Variants in PPP1R12C observed in about 807,000 individuals in gnomAD.
PPP1R12C encodes protein phosphatase 1 regulatory subunit 12C, also known as leukocyte receptor cluster (LRC) encoded novel gene 3.
In PPP1R12C, 48 loss-of-function variants were observed where a neutral mutation model predicts 95.6. The ratio of observed to expected loss-of-function variants is 0.50; its 90% CI spans 0.40 to 0.64. The LOEUF (loss-of-function observed/expected upper bound fraction) is 0.64. PPP1R12C is among the 30% of genes least tolerant of loss of function. PPP1R12C has a pLI of 0.00. For missense variants in PPP1R12C, 1,057 were observed against 1,083.3 expected (o/e 0.98, Z 0.34); for synonymous variants, 480 against 460.8 (o/e 1.04, Z -0.53).
Position 55,117,621 on chromosome 19 carries a change from G to A in PPP1R12C, c.-78C>T, listed in dbSNP as rs1408289403. 1.5e-5 allele frequency: 11 copies of A among 749,996 alleles called. No homozygotes were observed. In the East Asian group the frequency reaches 2.3e-3, roughly 156 times the overall value. 46.5% of individuals were successfully genotyped at this position (749,996 alleles called of 1,614,324 possible). ...CACCACCCGCCCGCCCGCCCGCCCC[G>A]GGGGCCGCCGGGAACTGCCGCTGGC... On this transcript the variant is annotated 5_prime_UTR_variant, in exon 1 of 22. Transcript: ENST00000263433.
chr19:55,095,935 G>C lies in PPP1R12C; in HGVS notation c.1159C>G (p.Pro387Ala). 5 of 1,612,948 alleles carry C rather than the reference G, an allele frequency of 3.1e-6. No homozygotes were observed. The highest frequency in any genetic ancestry group is 4.2e-6 in the Non-Finnish European group (5 of 1,179,838). ...DEGEEGPTEPPPAEPRTLNGV... is the reference protein window; with the variant it reads ...DEGEEGPTEPAPAEPRTLNGV... Reference sequence around the variant, plus strand: ...TTGAGGGTTCTGGGTTCTGCAGGGGGTGGTTCTGTGATGTGGGAACACCGG... The same window carrying C: ...TTGAGGGTTCTGGGTTCTGCAGGGGCTGGTTCTGTGATGTGGGAACACCGG... Residue 387 changes from proline (P) to alanine (A), a missense_variant, in exon 9 of 22, where the codon CCC becomes GCC. Around this residue, in one of 5 missense-constraint regions of PPP1R12C, gnomAD observed 356 missense variants for 330.5 expected, o/e 1.08. Coordinates refer to ENST00000263433, the MANE Select transcript of PPP1R12C (RefSeq NM_017607.4).
chr19:55,105,691 A>G (rs982166231), intron 3 of PPP1R12C, among the ~76,000 whole-genome samples: 1 of 152,208 alleles, frequency 6.6e-6, no homozygotes, highest in Non-Finnish European at 1.5e-5. Context: ...TCATGCCTGT[A>G]ATCCCAGTAC....
chr19:55,105,614 A>C (rs2085029958), intron 3 of PPP1R12C, among the ~76,000 whole-genome samples: 1 of 152,100 alleles, frequency 6.6e-6, no homozygotes, highest in Admixed American at 6.6e-5. Context: ...CTACTTCCTG[A>C]GCTTTTTCAT....
At chr19:55,095,380 A>C in intron 10 of PPP1R12C, 22 bp from the exon 11 acceptor site, 1 of 1,579,756 alleles carries the variant, frequency 6.3e-7, no homozygotes, top group Non-Finnish European at 8.6e-7. Flanking sequence ...GGAGAAGGGG[A>C]GGAAGGGGCA....
At chr19:55,112,059 C>A (rs757847016) in intron 3 of PPP1R12C, 5 of 172,062 alleles carry the variant, frequency 2.9e-5, no homozygotes, top group Non-Finnish European at 5.0e-5. Flanking sequence ...ACAGGGAGAC[C>A]AGTCCCTGGC....
chr19:55,094,676 G>T lies in PPP1R12C; in HGVS notation c.1577C>A (p.Ser526Tyr). The T allele has an allele frequency of 6.2e-7, 1 of 1,600,506 alleles. No individual in the cohort carries two copies. Reference sequence around the variant, plus strand: ...GCCTCTTCACCTCCGTCGGTCCCGGGAGTCCGCTGGGGGCGCCGTGGAGGC... The same window carrying T: ...GCCTCTTCACCTCCGTCGGTCCCGGTAGTCCGCTGGGGGCGCCGTGGAGGC... The part of the protein sequence containing the change: ...PTASTAPPAD[S>Y]RDRRRSYQMP... Residue 526 changes from serine to tyrosine, a missense_variant, in exon 12 of 22, where the codon TCC (serine) becomes TAC (tyrosine). By Grantham distance (144) the Ser-to-Tyr change is moderately radical. Around this residue, in one of 5 missense-constraint regions of PPP1R12C, gnomAD observed 356 missense variants for 330.5 expected, o/e 1.08. Transcript: ENST00000263433.
intron 2 of PPP1R12C, 39 bp downstream of exon 2, chr19:55,112,626 C>T (rs1430271418): frequency 2.5e-6 from 4 of 1,612,462 alleles, no homozygotes; most frequent in Non-Finnish European, 3.4e-6. Context: ...TCCAGGCCCC[C>T]ACCCCGACCA....
chr19:55,095,098 T>C, intron 11 of PPP1R12C, 193 bp downstream of exon 11: 1 of 721,806 alleles, frequency 1.4e-6, no homozygotes, highest in South Asian at 1.8e-5. Flanking sequence ...GGGGGGAAGA[T>C]AGGGGAGAAG....
In PPP1R12C at chr19:55,117,215, G is replaced by A. The variant is rs536177459; in HGVS notation, c.321+8C>T. ...GGCCCCGGGAGACGCCGGGCGGGGGGCGCTGACCTGGTGCAGGGCGCTGAT... is the reference window on the plus strand; with the variant it reads ...GGCCCCGGGAGACGCCGGGCGGGGGACGCTGACCTGGTGCAGGGCGCTGAT... On this transcript the variant is annotated splice_region_variant and intron_variant, in intron 1 of 21. Transcript: ENST00000263433. 3.9e-5 allele frequency: 48 copies of A among 1,223,384 alleles called. No individual in the cohort carries two copies. Among genetic ancestry groups the A allele is most frequent in the African/African-American group, 9.4e-5 (6 of 63,762 alleles). 75.8% of individuals were successfully genotyped at this position (1,223,384 alleles called of 1,614,324 possible).
intron 1 of PPP1R12C, 59 bp downstream of exon 1, chr19:55,117,164 C>G: frequency 8.4e-7 from 1 of 1,188,930 alleles, no homozygotes; most frequent in Non-Finnish European, 1.0e-6. Context: ...GAGGATGCCC[C>G]AGGTGGCGCA....
At position 55,095,340 on chromosome 19, in the gene PPP1R12C, C is replaced by T. The variant is rs1451700314; in HGVS notation, c.1405G>A (p.Ala469Thr). 2 of 1,592,356 alleles carry T rather than the reference C, an allele frequency of 1.3e-6. No homozygotes were observed. Among genetic ancestry groups the T allele is most frequent in the Non-Finnish European group, 1.7e-6 (2 of 1,169,588 alleles). Residue 469 changes from alanine to threonine, a missense_variant, in exon 11 of 22, where the codon GCC becomes ACC. Transcript: ENST00000263433. ...GGGGAGGGGGTCGGGGTAATTCTGGCAAGACGGAGCTCCTTGGCCTGTGTG... is the reference window on the plus strand; with the variant it reads ...GGGGAGGGGGTCGGGGTAATTCTGGTAAGACGGAGCTCCTTGGCCTGTGTG... Reference protein sequence around the residue: ...TSTQAKELRLARITPTPSPKL... With the variant: ...TSTQAKELRLTRITPTPSPKL...
Position 55,109,411 on chromosome 19 carries a change from T to C in PPP1R12C, c.571+3056A>G, listed in dbSNP as rs188995544. On this transcript the variant is annotated intron_variant, in intron 3 of 21. Coordinates refer to ENST00000263433, the MANE Select transcript of PPP1R12C (RefSeq NM_017607.4). The surrounding 1 kb of genome is among the most constrained non-coding windows in gnomAD (Gnocchi z 4.4). ...CTGTGCCAGGCCTCAAATGGCCTTTTCCGGCCTGAGCCAGGAGGAACGGGT... is the reference window on the plus strand; with the variant it reads ...CTGTGCCAGGCCTCAAATGGCCTTTCCCGGCCTGAGCCAGGAGGAACGGGT... Among the ~76,000 whole-genome samples the C allele has an allele frequency of 1.3e-3, 191 of 152,342 alleles. No homozygotes were observed. The highest frequency in any genetic ancestry group is 2.3e-3 in the Non-Finnish European group (157 of 68,028).
In PPP1R12C at chr19:55,091,421, C is replaced by T. The variant is rs367675451; in HGVS notation, c.*51G>A. ...TCGTGTTCACACGGGGGAAGGGGTGCGTGTGGCAGAAGCAGCTGTATAAAT... is the reference window on the plus strand; with the variant it reads ...TCGTGTTCACACGGGGGAAGGGGTGTGTGTGGCAGAAGCAGCTGTATAAAT... On this transcript the variant is annotated 3_prime_UTR_variant, in exon 22 of 22. Transcript: ENST00000263433. 59 of 1,527,316 alleles carry T rather than the reference C, an allele frequency of 3.9e-5. No homozygotes were observed. The highest frequency in any genetic ancestry group is 1.7e-4 in the Middle Eastern group (1 of 5,926). The allele number at this position is 1,527,316 out of a possible 1,614,324, so 94.6% of individuals were successfully genotyped here.
chr19:55,101,835 G>A (rs1197124175), intron 4 of PPP1R12C, among the ~76,000 whole-genome samples: 7 of 152,198 alleles, frequency 4.6e-5, no homozygotes, highest in Admixed American at 2.6e-4. Flanking sequence ...CTAAGCAGAA[G>A]GGACAGCGGT....
Position 55,109,021 on chromosome 19 carries a change from G to A in PPP1R12C, c.571+3446C>T, listed in dbSNP as rs1392023751. ...CCACCGCATGGATGGGCCACATGTT[G>A]ATTTTCCATTCATTCGATGATGGGC... On this transcript the variant is annotated intron_variant, in intron 3 of 21. Coordinates refer to ENST00000263433, the MANE Select transcript of PPP1R12C (RefSeq NM_017607.4). This position sits in a 1 kb window ranked among gnomAD's most constrained non-coding sequence, Gnocchi z 4.4. 6.6e-6 allele frequency among the ~76,000 whole-genome samples: 1 copy of A among 152,198 alleles called. No homozygotes were observed. Among genetic ancestry groups the A allele is most frequent in the Non-Finnish European group, 1.5e-5 (1 of 68,032 alleles).
intron 16 of PPP1R12C, 30 bp from the exon 17 acceptor site, chr19:55,092,692 G>A: frequency 6.5e-7 from 1 of 1,531,024 alleles, no homozygotes; most frequent in Non-Finnish European, 8.8e-7. Context: ...GGTTCAATGG[G>A]TATGGGAGGG....
At chr19:55,093,112 C>CA in intron 14 of PPP1R12C, 36 bp from the exon 15 acceptor site, 1 of 1,612,910 alleles carries the variant, frequency 6.2e-7, no homozygotes, top group Non-Finnish European at 8.5e-7. Flanking sequence ...GGAAGCAGGA[C>CA]ATCCCGCACC....
chr19:55,105,652 A>T (rs1363308342), intron 3 of PPP1R12C, among the ~76,000 whole-genome samples: 1 of 152,232 alleles, frequency 6.6e-6, no homozygotes, highest in East Asian at 1.9e-4. Flanking sequence ...GTATCCAAGA[A>T]GAAGTCACTC....
intron 18 of PPP1R12C, 45 bp from the exon 19 acceptor site, chr19:55,092,371 C>CT: frequency 8.0e-7 from 1 of 1,255,822 alleles, no homozygotes; most frequent in Non-Finnish European, 1.1e-6. Flanking sequence ...TGGGGCGATG[C>CT]TGGGGGGGCG....
Sources: allele counts gnomAD v4.1 joint callset (sites outside exome capture counted in the v4.1 genomes callset), GRCh38; gene constraint gnomAD v4.1.1; regional missense constraint gnomAD v4.1.1; non-coding constraint Gnocchi (gnomAD v3.1); transcripts MANE v1.5; gene names NCBI Gene and HGNC (gene_info 2026-07-23, HGNC 2026-07-21).